The following WDR49 variants were observed in gnomAD, a reference collection of about 807,000 sequenced individuals.
WDR49 encodes cilia- and flagella-associated protein 337.
A neutral mutation model predicts 119.5 loss-of-function variants in WDR49; 107 were observed. The ratio of observed to expected loss-of-function variants is 0.90; its 90% CI spans 0.77 to 1.05. The LOEUF (loss-of-function observed/expected upper bound fraction) is 1.05. WDR49 is among the 50% of genes least tolerant of loss of function. The probability of loss-of-function intolerance (pLI) is 0.00; values close to 1 mark genes in which losing one functional copy is unlikely to be tolerated. For missense variants in WDR49, 1,240 were observed against 1,220.5 expected (o/e 1.02, Z -0.24); for synonymous variants, 425 against 418.8 (o/e 1.01, Z -0.18).
chr3:167,549,263 G>A (rs900034934), intron 10 of WDR49, among the ~76,000 whole-genome samples: 5 of 151,986 alleles, frequency 3.3e-5, no homozygotes, highest in South Asian at 2.1e-4. Context: ...TTGAGGAATC[G>A]CCACACTCTC....
intron 14 of WDR49, 105 bp from the exon 15 acceptor site, chr3:167,528,122 AC>A: frequency 1.1e-6 from 1 of 889,496 alleles, no homozygotes; most frequent in Non-Finnish European, 1.7e-6. Flanking sequence ...GGGAACAATA[AC>A]CTATGATCCA....
chr3:167,651,910 C>T (rs1302463089), intron 2 of WDR49, among the ~76,000 whole-genome samples: 1 of 152,170 alleles, frequency 6.6e-6, no homozygotes, highest in Non-Finnish European at 1.5e-5. Flanking sequence ...TGTAGACTCT[C>T]CTAATAGGCC....
At chr3:167,564,716 G>A (rs1415926013) in intron 8 of WDR49, among the ~76,000 whole-genome samples, 2 of 152,164 alleles carry the variant, frequency 1.3e-5, no homozygotes, top group Non-Finnish European at 2.9e-5. Context: ...TCTCTCTCAT[G>A]TGCTTCAGTT....
Position 167,606,495 on chromosome 3 carries a change from G to C in WDR49, c.959-2027C>G, listed in dbSNP as rs188001805. 1.9e-3 allele frequency among the ~76,000 whole-genome samples: 294 copies of C among 152,226 alleles called. 1 individual carries two copies. The highest frequency in any genetic ancestry group is 7.0e-3 in the African/African-American group (291 of 41,522). On this transcript the variant is annotated intron_variant, in intron 5 of 18. Coordinates refer to ENST00000682715, the MANE Select transcript of WDR49 (RefSeq NM_001366157.1). ...TTGTGTTAGTCAATACTCATTTTAG[G>C]CTTCTGTTTTAAGCTTCTACTTCTT...
intron 2 of WDR49, among the ~76,000 whole-genome samples, chr3:167,649,337 A>G (rs1009571720): frequency 1.3e-5 from 2 of 152,088 alleles, no homozygotes; most frequent in Non-Finnish European, 2.9e-5. Context: ...AAAAGGCCCA[A>G]TCTGACTTTC....
intron 16 of WDR49, among the ~76,000 whole-genome samples, chr3:167,509,852 T>C (rs1176164004): frequency 6.6e-6 from 1 of 152,340 alleles, no homozygotes; most frequent in African/African-American, 2.4e-5. Context: ...TTGTTGTCCA[T>C]GGATACTCAT....
At chr3:167,526,185 T>C (rs1351430587) in intron 15 of WDR49, among the ~76,000 whole-genome samples, 2 of 152,118 alleles carry the variant, frequency 1.3e-5, no homozygotes, top group Non-Finnish European at 2.9e-5. Context: ...GCTTTTTGCA[T>C]CTTCAAAAAA....
intron 16 of WDR49, among the ~76,000 whole-genome samples, chr3:167,511,775 G>A (rs1751986332): frequency 1.3e-5 from 2 of 152,334 alleles, no homozygotes; most frequent in South Asian, 4.1e-4. Context: ...CCCTGCCGGT[G>A]TTGGGGAGAC....
At chr3:167,590,750 T>C (rs1025464858) in intron 7 of WDR49, among the ~76,000 whole-genome samples, 2 of 152,008 alleles carry the variant, frequency 1.3e-5, no homozygotes, top group Non-Finnish European at 2.9e-5. Flanking sequence ...TAATAATATA[T>C]CCTTTTTCAT....
At chr3:167,595,563 T>C (rs74700510) in intron 7 of WDR49, among the ~76,000 whole-genome samples, 4,332 of 152,136 alleles carry the variant, frequency 0.028, 184 homozygotes, top group East Asian at 0.17. Flanking sequence ...GAAATAACAT[T>C]GCATATCTAC....
chr3:167,649,395 A>C lies in WDR49; in HGVS notation c.165+3866T>G, dbSNP rs184421874. Among the ~76,000 whole-genome samples the C allele has an allele frequency of 3.3e-3, 509 of 152,326 alleles. 16 individuals are homozygous for C. Among genetic ancestry groups the C allele is most frequent in the Admixed American group, 0.024 (370 of 15,294 alleles). On this transcript the variant is annotated intron_variant, in intron 2 of 18. Coordinates refer to ENST00000682715, the MANE Select transcript of WDR49 (RefSeq NM_001366157.1). The stretch of plus-strand genomic sequence containing the variant: ...TGCCTGGCAGGACATCAACATCCTC[A>C]GCTTTGTCTTGAAGCAAACAAGCAC...
At position 167,527,064 on chromosome 3, in the gene WDR49, T is replaced by C. The variant is rs114741355; in HGVS notation, c.2604+756A>G. Among the ~76,000 whole-genome samples the C allele has an allele frequency of 2.1e-3, 327 of 152,308 alleles. 1 individual carries two copies. The highest frequency in any genetic ancestry group is 7.5e-3 in the African/African-American group (313 of 41,574). On this transcript the variant is annotated intron_variant, in intron 15 of 18. Coordinates refer to ENST00000682715, the MANE Select transcript of WDR49 (RefSeq NM_001366157.1). ...GAGACTAAATATTTCCTTTCTTTCATGACTCCCATTTCCATTTCATTTCAT... is the reference window on the plus strand; with the variant it reads ...GAGACTAAATATTTCCTTTCTTTCACGACTCCCATTTCCATTTCATTTCAT...
At chr3:167,642,145 C>T (rs965440132) in intron 2 of WDR49, among the ~76,000 whole-genome samples, 2 of 151,658 alleles carry the variant, frequency 1.3e-5, no homozygotes, top group African/African-American at 4.8e-5. Flanking sequence ...AAGATAAAAT[C>T]AAAACAAAGA....
intron 12 of WDR49, 37 bp downstream of exon 12, chr3:167,532,842 A>G: frequency 1.3e-6 from 2 of 1,503,278 alleles, no homozygotes; most frequent in Non-Finnish European, 9.2e-7. Flanking sequence ...CTGTGATTTG[A>G]CTAGCCATGT....
chr3:167,488,861 T>C (rs957480158), intron 18 of WDR49, among the ~76,000 whole-genome samples: 5 of 152,200 alleles, frequency 3.3e-5, no homozygotes, highest in Admixed American at 6.6e-5. Context: ...ATTCTAGCAA[T>C]GGTGACCTCT....
At chr3:167,573,605 G>T (rs1040510211) in intron 8 of WDR49, among the ~76,000 whole-genome samples, 1 of 152,056 alleles carries the variant, frequency 6.6e-6, no homozygotes, top group Non-Finnish European at 1.5e-5. Flanking sequence ...ACTTTTGAGA[G>T]AGTGAAAGTT....
chr3:167,527,974 G>C lies in WDR49; in HGVS notation c.2450C>G (p.Pro817Arg), dbSNP rs763157115. The change falls in exon 15 of 19, where the codon CCA (proline) becomes CGA (arginine). Residue 817 changes from proline to arginine, a missense_variant. Physicochemically the swap from Pro to Arg is moderately radical, Grantham distance 103. Coordinates refer to ENST00000682715, the MANE Select transcript of WDR49 (RefSeq NM_001366157.1). ...AGGTTGGAATGATCTTATCAGAGTT[G>C]GGGCCTTGGTGATTTTGTTCTTACT... is the stretch of plus-strand genomic sequence containing the variant. ...NSSKNKITKA[P>R]TLIRSFQPHE... The C allele has an allele frequency of 6.2e-7, 1 of 1,613,126 alleles. No individual in the cohort carries two copies. The highest frequency in any genetic ancestry group is 1.1e-5 in the South Asian group (1 of 91,036).
At chr3:167,552,660 C>T (rs1312148550) in intron 10 of WDR49, among the ~76,000 whole-genome samples, 3 of 152,014 alleles carry the variant, frequency 2.0e-5, no homozygotes, top group South Asian at 4.2e-4. Context: ...GATAACTGAG[C>T]TTAGAGAGAT....
intron 10 of WDR49, 98 bp from the exon 11 acceptor site, chr3:167,537,098 A>C (rs1711515257): frequency 8.0e-7 from 1 of 1,243,446 alleles, no homozygotes; most frequent in Admixed American, 3.2e-5. Flanking sequence ...AGACTTTTAA[A>C]AGACTATGCT....
Sources: allele counts gnomAD v4.1 joint callset (sites outside exome capture counted in the v4.1 genomes callset), GRCh38; gene constraint gnomAD v4.1.1; transcripts MANE v1.5; gene names NCBI Gene and HGNC (gene_info 2026-07-23, HGNC 2026-07-21).